GULP1: variants seen among roughly 807,000 people sequenced by gnomAD.
GULP1 encodes GULP PTB domain containing engulfment adaptor 1.
GULP1 carries 19 observed loss-of-function variants against 40.9 expected under a neutral mutation model. The observed-to-expected ratio is 0.46, with a 90% CI of 0.32 to 0.68. The LOEUF (loss-of-function observed/expected upper bound fraction) is 0.68, where lower values mean the gene tolerates loss of function less well. Among genes scored for constraint, GULP1 ranks in the 30% least tolerant of loss-of-function variants. GULP1 has a pLI of 0.03. For synonymous variants in GULP1, 119 were observed against 117.6 expected (o/e 1.01, Z -0.08); for missense variants, 312 against 362.2 (o/e 0.86, Z 1.12).
chr2:188,470,278 C>T (rs2060479735), intron 2 of GULP1, among the ~76,000 whole-genome samples: 1 of 152,082 alleles, frequency 6.6e-6, no homozygotes, highest in Non-Finnish European at 1.5e-5. Flanking sequence ...CTGGTTCAAT[C>T]GTGATACATT....
chr2:188,410,837 C>T (rs978140195), intron 2 of GULP1, among the ~76,000 whole-genome samples: 3 of 152,158 alleles, frequency 2.0e-5, no homozygotes, highest in Non-Finnish European at 4.4e-5. Context: ...CACAGACCTT[C>T]ATGGAAGGCT....
intron 1 of GULP1, among the ~76,000 whole-genome samples, chr2:188,346,895 C>T (rs955884833): frequency 3.3e-5 from 5 of 149,958 alleles, no homozygotes; most frequent in African/African-American, 1.2e-4. Flanking sequence ...AGCTGGAACC[C>T]GGGAGGCAGA....
intron 2 of GULP1, among the ~76,000 whole-genome samples, chr2:188,418,266 G>A (rs563052679): frequency 3.3e-5 from 5 of 152,174 alleles, no homozygotes; most frequent in African/African-American, 9.6e-5. Flanking sequence ...GTTAGATTAC[G>A]GTTTAATTTT....
chr2:188,513,572 G>A (rs1287925755), intron 4 of GULP1, among the ~76,000 whole-genome samples: 2 of 152,080 alleles, frequency 1.3e-5, no homozygotes, highest in East Asian at 1.9e-4. Context: ...TGGCTGTGAG[G>A]TAAAAGTTGA....
chr2:188,409,053 A>G (rs1367106272), intron 2 of GULP1, among the ~76,000 whole-genome samples: 2 of 152,174 alleles, frequency 1.3e-5, no homozygotes, highest in Non-Finnish European at 2.9e-5. Context: ...AAAAAGAAGC[A>G]ACCTAAAATT....
intron 11 of GULP1, chr2:188,591,643 A>C (rs948548802): frequency 1.3e-5 from 2 of 151,798 alleles, no homozygotes; most frequent in African/African-American, 4.8e-5. Flanking sequence ...GTCTGCAAAG[A>C]TGAAAAGAGG....
intron 1 of GULP1, among the ~76,000 whole-genome samples, chr2:188,319,442 A>G (rs1202563079): frequency 6.6e-6 from 1 of 152,176 alleles, no homozygotes; most frequent in African/African-American, 2.4e-5. Flanking sequence ...CATAGTGTAT[A>G]TTCTTTTAAC....
intron 4 of GULP1, among the ~76,000 whole-genome samples, chr2:188,490,062 A>C (rs571323346): frequency 6.6e-6 from 1 of 152,028 alleles, no homozygotes; most frequent in Non-Finnish European, 1.5e-5. Context: ...GGAACTAAAA[A>C]CTTTTATTAG....
chr2:188,553,205 T>C (rs1693932562), intron 7 of GULP1, among the ~76,000 whole-genome samples: 1 of 152,026 alleles, frequency 6.6e-6, no homozygotes, highest in Admixed American at 6.6e-5. Flanking sequence ...CTGGGTGGAC[T>C]TCCAGTACCG....
chr2:188,346,597 A>G (rs1015814383), intron 1 of GULP1, among the ~76,000 whole-genome samples: 12 of 151,324 alleles, frequency 7.9e-5, no homozygotes, highest in South Asian at 2.1e-4. Context: ...GGTTCACGCC[A>G]TTCTCCTGCC....
intron 2 of GULP1, among the ~76,000 whole-genome samples, chr2:188,458,365 C>T (rs1559264401): frequency 6.6e-6 from 1 of 152,096 alleles, no homozygotes. Flanking sequence ...CTTAGTCTAT[C>T]TCACCCTCCA....
chr2:188,357,972 A>C (rs1279560815), intron 1 of GULP1, among the ~76,000 whole-genome samples: 1 of 152,192 alleles, frequency 6.6e-6, no homozygotes, highest in Non-Finnish European at 1.5e-5. Flanking sequence ...TGAGGCCAGG[A>C]GTTCAAGACC....
intron 1 of GULP1, among the ~76,000 whole-genome samples, chr2:188,340,939 A>T (rs1317170068): frequency 6.6e-6 from 1 of 152,100 alleles, no homozygotes. Context: ...CTTCTCTCCG[A>T]CATTCAGCTG....
At chr2:188,362,039 T>C (rs1346961096) in intron 1 of GULP1, among the ~76,000 whole-genome samples, 2 of 152,084 alleles carry the variant, frequency 1.3e-5, no homozygotes, top group Non-Finnish European at 2.9e-5. Flanking sequence ...ATGAACCTGA[T>C]TTAATGTGCT....
chr2:188,384,613 A>G (rs1056638415), intron 2 of GULP1, among the ~76,000 whole-genome samples: 2 of 152,172 alleles, frequency 1.3e-5, no homozygotes, highest in African/African-American at 4.8e-5. Context: ...CGTCAACTCA[A>G]AAGTCCACAA....
intron 4 of GULP1, among the ~76,000 whole-genome samples, chr2:188,512,817 A>T (rs1437081519): frequency 6.6e-6 from 1 of 151,148 alleles, no homozygotes; most frequent in African/African-American, 2.4e-5. Flanking sequence ...GAATATAGAC[A>T]TCACTTGTGG....
chr2:188,378,258 C>A, intron 1 of GULP1, among the ~76,000 whole-genome samples: 1 of 145,430 alleles, frequency 6.9e-6, no homozygotes, highest in Admixed American at 7.0e-5. Flanking sequence ...CAATTCTACT[C>A]ATCACAGTGT....
intron 1 of GULP1, among the ~76,000 whole-genome samples, chr2:188,367,870 G>C (rs916625059): frequency 1.3e-5 from 2 of 152,140 alleles, no homozygotes; most frequent in Non-Finnish European, 2.9e-5. Context: ...GAAGTGTTTT[G>C]ACTGTAGGAT....
At chr2:188,418,440 T>C (rs2054884737) in intron 2 of GULP1, among the ~76,000 whole-genome samples, 1 of 152,100 alleles carries the variant, frequency 6.6e-6, no homozygotes, top group East Asian at 1.9e-4. Context: ...GAGACCAGCC[T>C]GGGCAACATG....
Sources: allele counts gnomAD v4.1 joint callset (sites outside exome capture counted in the v4.1 genomes callset), GRCh38; gene constraint gnomAD v4.1.1; transcripts MANE v1.5; gene names NCBI Gene and HGNC (gene_info 2026-07-23, HGNC 2026-07-21).